The following NLRP9 variants were observed in gnomAD, a reference collection of about 807,000 sequenced individuals.
NLRP9 encodes the protein NACHT, LRR and PYD domains-containing protein 9.
Under a neutral mutation model 83.1 loss-of-function variants are expected in NLRP9, and 88 were observed. The observed-to-expected ratio is 1.06, with a 90% CI of 0.89 to 1.26. The LOEUF (loss-of-function observed/expected upper bound fraction) is 1.26. Ranked by LOEUF, NLRP9 falls within the 50% of genes most tolerant of loss-of-function variation. The pLI, the probability that NLRP9 is intolerant of heterozygous loss-of-function variation, is 0.00. For missense variants in NLRP9, 1,308 were observed against 1,179.3 expected, an observed-to-expected ratio of 1.11 and a Z score of -1.60; for synonymous variants, 521 against 447.6, an observed-to-expected ratio of 1.16 and a Z score of -2.07.
At position 55,724,065 on chromosome 19, in the gene NLRP9, G is replaced by A. The variant is rs1988322762; in HGVS notation, c.2074C>T (p.Leu692=). The change falls in exon 4 of 9, where the codon CTG becomes TTG. Residue 692 remains leucine, a synonymous_variant. Coordinates refer to ENST00000332836, the MANE Select transcript of NLRP9 (RefSeq NM_176820.4). ...LHNPHLKLLS[L]YGTSLSQSDI... is the part of the protein sequence containing the mutation. ...GACTGGGAGAGGCTAGTGCCGTACA[G>A]GCTCAGAAGTTTCAGATGAGGGTTG... 4 of 1,613,604 alleles carry A rather than the reference G, an allele frequency of 2.5e-6. No homozygotes were observed. The highest frequency in any genetic ancestry group is 1.7e-6 in the Non-Finnish European group (2 of 1,179,554).
At chr19:55,718,745 G>T (rs1171516174) in intron 4 of NLRP9, among the ~76,000 whole-genome samples, 1 of 152,156 alleles carries the variant, frequency 6.6e-6, no homozygotes, top group Admixed American at 6.5e-5. Flanking sequence ...CGCCAGTGCG[G>T]GTCCTCGCAC....
At chr19:55,718,725 CAG>C (rs755277889) in intron 4 of NLRP9, among the ~76,000 whole-genome samples, 1 of 152,226 alleles carries the variant, frequency 6.6e-6, no homozygotes, top group Non-Finnish European at 1.5e-5. Context: ...TGAGGGAACT[CAG>C]AGACCAGCGC....
chr19:55,728,946 A>G (rs1988480241), intron 3 of NLRP9, among the ~76,000 whole-genome samples: 1 of 152,180 alleles, frequency 6.6e-6, no homozygotes, highest in African/African-American at 2.4e-5. Flanking sequence ...GTATAAAAGT[A>G]ATAATAAAAA....
At chr19:55,727,298 CT>C (rs1988431945) in intron 3 of NLRP9, among the ~76,000 whole-genome samples, 5 of 152,170 alleles carry the variant, frequency 3.3e-5, no homozygotes, top group Admixed American at 3.3e-4. Flanking sequence ...GTCATCAACA[CT>C]GTGAAGAAGC....
chr19:55,728,904 C>G (rs1357366138), intron 3 of NLRP9, among the ~76,000 whole-genome samples: 2 of 152,102 alleles, frequency 1.3e-5, no homozygotes, highest in Admixed American at 6.6e-5. Context: ...TATCAGGGAA[C>G]AACTGTGTTT....
intron 4 of NLRP9, among the ~76,000 whole-genome samples, chr19:55,718,593 T>G (rs10410786): frequency 0.031 from 4,767 of 152,264 alleles, 279 homozygotes; most frequent in African/African-American, 0.11. Flanking sequence ...ACAGTACCTT[T>G]CCTTGAACTT....
chr19:55,715,207 G>A lies in NLRP9; in HGVS notation c.2349C>T (p.Leu783=). The change falls in exon 6 of 9, where the codon CTC becomes CTT. Residue 783 remains leucine, a synonymous_variant. Transcript: ENST00000332836. ...LERLMLMYCC[L]TSVSCDSISE... is the part of the protein sequence containing the mutation. ...AAATGGAGTCACAGGAGACAGAGGT[G>A]AGACAGCAGTACATCAACCTGCAAA... is the stretch of plus-strand genomic sequence containing the variant. The A allele has an allele frequency of 6.2e-7, 1 of 1,613,266 alleles. No homozygotes were observed. The highest frequency in any genetic ancestry group is 8.5e-7 in the Non-Finnish European group (1 of 1,179,796).
chr19:55,729,725 T>C, intron 3 of NLRP9, 106 bp downstream of exon 3: 2 of 873,850 alleles, frequency 2.3e-6, no homozygotes, highest in Non-Finnish European at 3.6e-6. Context: ...TTTAACACAC[T>C]GGATTGCCGC....
At chr19:55,713,613 TCTCCCTCTTACTCC>T (rs1987871823) in intron 6 of NLRP9, among the ~76,000 whole-genome samples, 1 of 9,722 alleles carries the variant, frequency 1.0e-4, no homozygotes, top group Non-Finnish European at 1.9e-4. Context: ...CCTCCTCCCC[TCTCCCTCTTACTCC>T]CCTCCTCCTC....
intron 1 of NLRP9, among the ~76,000 whole-genome samples, chr19:55,734,447 C>T (rs986008090): frequency 2.0e-5 from 3 of 148,876 alleles, no homozygotes; most frequent in African/African-American, 4.9e-5. Flanking sequence ...TAACCTTCCC[C>T]TACTTTCTGC....
At chr19:55,735,086 G>A (rs1458647602) in intron 1 of NLRP9, among the ~76,000 whole-genome samples, 1 of 152,140 alleles carries the variant, frequency 6.6e-6, no homozygotes, top group African/African-American at 2.4e-5. Flanking sequence ...ATTGCAAAGG[G>A]GCCCTACAGT....
intron 2 of NLRP9, among the ~76,000 whole-genome samples, chr19:55,730,781 G>C (rs28447538): frequency 0.079 from 11,982 of 151,988 alleles, 1,514 homozygotes; most frequent in African/African-American, 0.27. Flanking sequence ...GGAGGAGGGA[G>C]AGCATCAGGA....
Position 55,732,445 on chromosome 19 carries a change from G to A in NLRP9, c.1386C>T (p.Pro462=), listed in dbSNP as rs1377236633. ...CAATGGCCGGGTTAGGATCGTCTTT[G>A]GGTCGTTTGAGCAAATAAAACATGG... The part of the protein sequence containing the change: ...CAAMFYLLKR[P]KDDPNPAIGS... The change falls in exon 2 of 9, where the codon CCC becomes CCT. Residue 462 remains proline, a synonymous_variant. Transcript: ENST00000332836. 3 of 1,614,206 alleles carry A rather than the reference G, an allele frequency of 1.9e-6. No homozygotes were observed. The South Asian group carries it at 3.3e-5, about 18-fold the overall frequency.
chr19:55,718,134 TAA>T (rs909210204), intron 4 of NLRP9, among the ~76,000 whole-genome samples: 1 of 152,188 alleles, frequency 6.6e-6, no homozygotes, highest in South Asian at 2.1e-4. Flanking sequence ...GTATACTTGG[TAA>T]AAGTCATGGC....
intron 4 of NLRP9, among the ~76,000 whole-genome samples, chr19:55,719,931 T>C (rs1429110002): frequency 6.6e-6 from 1 of 152,170 alleles, no homozygotes; most frequent in Non-Finnish European, 1.5e-5. Flanking sequence ...GGACGAAATA[T>C]ACTGATTTAT....
intron 4 of NLRP9, among the ~76,000 whole-genome samples, chr19:55,718,847 T>G (rs1187626635): frequency 2.0e-5 from 3 of 152,220 alleles, no homozygotes; most frequent in Non-Finnish European, 2.9e-5. Flanking sequence ...TCCACCTGAC[T>G]AGAAATACCC....
At position 55,733,317 on chromosome 19, in the gene NLRP9, C is replaced by T; in HGVS notation, c.514G>A (p.Gly172Arg). 6.2e-7 allele frequency: 1 copy of T among 1,614,128 alleles called. No homozygotes were observed. The highest frequency in any genetic ancestry group is 8.5e-7 in the Non-Finnish European group (1 of 1,179,968). The part of the protein sequence containing the change: ...LRKVMLDWAE[G>R]NLWKDRFTFV... ...GTGAACCTGTCCTTCCATAAGTTTC[C>T]CTCTGCCCAGTCCAACATCACTTTT... Residue 172 changes from glycine (G) to arginine (R), a missense_variant, in exon 2 of 9, where the codon GGA becomes AGA. Transcript: ENST00000332836.
chr19:55,737,853 T>C (rs1988826696), intron 1 of NLRP9, among the ~76,000 whole-genome samples: 1 of 150,816 alleles, frequency 6.6e-6, no homozygotes, highest in African/African-American at 2.4e-5. Context: ...CGACTCCACT[T>C]GGGGTGGAAA....
At chr19:55,729,038 AT>A (rs1363279841) in intron 3 of NLRP9, among the ~76,000 whole-genome samples, 1 of 105,878 alleles carries the variant, frequency 9.4e-6, no homozygotes, top group Non-Finnish European at 1.9e-5. Context: ...TGCTTATCTT[AT>A]TTTTCTTTTT....
Sources: gnomAD v4.1 joint callset for allele counts (sites outside exome capture counted in the v4.1 genomes callset) on GRCh38, gnomAD v4.1.1 for gene constraint, MANE v1.5 for transcripts, NCBI Gene and HGNC (gene_info 2026-07-23, HGNC 2026-07-21) for gene names.